The following UGT1A10 variants were observed in gnomAD, a reference collection of about 807,000 sequenced individuals.
UGT1A10 encodes UDP-glucuronosyltransferase 1A10.
Under a neutral mutation model 45.8 loss-of-function variants are expected in UGT1A10, and 49 were observed. The observed-to-expected ratio is 1.07, with a 90% CI of 0.85 to 1.36. UGT1A10 has a LOEUF of 1.36. UGT1A10 is among the 40% of genes most tolerant of loss of function. UGT1A10 has a pLI of 0.00. For synonymous variants in UGT1A10, 284 were observed against 249.7 expected, an observed-to-expected ratio of 1.14 and a Z score of -1.29; for missense variants, 745 against 668.6, an observed-to-expected ratio of 1.11 and a Z score of -1.26.
Position 233,743,192 on chromosome 2 carries a change from T to C in UGT1A10, c.856-23842T>C, listed in dbSNP as rs560095677. ...AAAGTCAAATGTGGACTGGAATTAC[T>C]TGGTGTCAATGCGGAGTAACTGCTC... On this transcript the variant is annotated intron_variant, in intron 1 of 4. Coordinates refer to ENST00000344644, the MANE Select transcript of UGT1A10 (RefSeq NM_019075.4). The C allele has an allele frequency of 2.2e-3, 846 of 376,748 alleles. 20 individuals carry two copies. The highest frequency in any genetic ancestry group is 0.016 in the South Asian group (827 of 50,812). 23.3% of individuals were successfully genotyped at this position (376,748 alleles called of 1,614,324 possible). A position where few individuals can be genotyped will look rare whatever the true frequency, so the allele number is the denominator to read the frequency against.
At chr2:233,719,858 C>A (rs368218473) in intron 1 of UGT1A10, among the ~76,000 whole-genome samples, 1 of 152,098 alleles carries the variant, frequency 6.6e-6, no homozygotes, top group East Asian at 1.9e-4. Flanking sequence ...TTTCAGTGGT[C>A]ACTGAGAGGA....
At chr2:233,689,462 A>T (rs2074944838) in intron 1 of UGT1A10, among the ~76,000 whole-genome samples, 1 of 152,236 alleles carries the variant, frequency 6.6e-6, no homozygotes, top group Admixed American at 6.5e-5. Flanking sequence ...CATTTTAGGA[A>T]AACAGAAGTT....
chr2:233,690,208 T>A lies in UGT1A10; in HGVS notation c.855+52831T>A, dbSNP rs181844455. 1.8e-4 allele frequency among the ~76,000 whole-genome samples: 27 copies of A among 152,382 alleles called. No homozygotes were observed. In the East Asian group the frequency reaches 5.0e-3, roughly 28 times the overall value. ...TCATAAAATATTCATAAATTCAATG[T>A]TTGCCATTTTAGTATTCTAGATTCA... On this transcript the variant is annotated intron_variant, in intron 1 of 4. Transcript: ENST00000344644.
intron 1 of UGT1A10, chr2:233,743,776 C>T: frequency 7.3e-7 from 1 of 1,367,308 alleles, no homozygotes; most frequent in Non-Finnish European, 9.8e-7. Context: ...CGGCCACCTG[C>T]TTGAATCTCC....
At chr2:233,746,103 G>C (rs1465134401) in intron 1 of UGT1A10, among the ~76,000 whole-genome samples, 1 of 151,806 alleles carries the variant, frequency 6.6e-6, no homozygotes, top group Non-Finnish European at 1.5e-5. Flanking sequence ...CATGTCCAGA[G>C]TGCTTACTGT....
chr2:233,747,463 G>A lies in UGT1A10; in HGVS notation c.856-19571G>A, dbSNP rs564672570. 1.6e-5 allele frequency: 25 copies of A among 1,608,790 alleles called. No homozygotes were observed. The South Asian group carries it at 2.7e-4, about 18-fold the overall frequency. ...ACCCTGACAACCTATGCCATTTCAT[G>A]GACCCAGGATGAATTTGATCGCCTT... On this transcript the variant is annotated intron_variant, in intron 1 of 4. Coordinates refer to ENST00000344644, the MANE Select transcript of UGT1A10 (RefSeq NM_019075.4).
chr2:233,689,739 G>T (rs1053174218), intron 1 of UGT1A10, among the ~76,000 whole-genome samples: 3 of 152,308 alleles, frequency 2.0e-5, no homozygotes, highest in Admixed American at 6.5e-5. Flanking sequence ...AATCCATTTG[G>T]TGGGAGTCCA....
At chr2:233,674,963 G>C (rs1051126969) in intron 1 of UGT1A10, among the ~76,000 whole-genome samples, 1 of 152,176 alleles carries the variant, frequency 6.6e-6, no homozygotes, top group Non-Finnish European at 1.5e-5. Flanking sequence ...CTGGGAAACA[G>C]GATTCAGAGT....
chr2:233,713,230 A>G (rs747842946), intron 1 of UGT1A10: 14 of 1,614,276 alleles, frequency 8.7e-6, no homozygotes, highest in Admixed American at 1.7e-5. Flanking sequence ...CTGACAACGT[A>G]TGCCATTTCA....
rs192713031 is a variant in UGT1A10 at position 233,755,438 on chromosome 2, C to G, written c.856-11596C>G. ...TGTGAGCGCCTCGCATCCCAAGATG[C>G]AGTGCTCCTGGGACTGGCCCTGCTC... On this transcript the variant is annotated intron_variant, in intron 1 of 4. Transcript: ENST00000344644. 453 of 315,884 alleles carry G rather than the reference C, an allele frequency of 1.4e-3. 2 individuals carry two copies. The highest frequency in any genetic ancestry group is 7.9e-3 in the African/African-American group (362 of 46,082). The allele number at this position is 315,884 out of a possible 1,614,324, so 19.6% of individuals were successfully genotyped here.
chr2:233,760,927 C>T (rs1225128510), intron 1 of UGT1A10: 3 of 1,614,216 alleles, frequency 1.9e-6, no homozygotes, highest in Non-Finnish European at 2.5e-6. Flanking sequence ...GAAGAACATG[C>T]TCATTGCCTT....
At chr2:233,684,348 A>C (rs1180334738) in intron 1 of UGT1A10, among the ~76,000 whole-genome samples, 1 of 152,214 alleles carries the variant, frequency 6.6e-6, no homozygotes, top group South Asian at 2.1e-4. Context: ...TAGACTTGTC[A>C]AAGTGTCTCT....
chr2:233,687,956 A>G (rs2074870649), intron 1 of UGT1A10, among the ~76,000 whole-genome samples: 1 of 152,252 alleles, frequency 6.6e-6, no homozygotes, highest in Non-Finnish European at 1.5e-5. Flanking sequence ...TTAAAAATTG[A>G]TATGTAATTC....
intron 1 of UGT1A10, chr2:233,718,939 C>A (rs149017068): frequency 2.6e-4 from 420 of 1,614,132 alleles, no homozygotes; most frequent in Non-Finnish European, 3.2e-4. Context: ...GATGGCAGCC[C>A]CTGGCTCAGC....
intron 1 of UGT1A10, chr2:233,713,349 A>G (rs774630378): frequency 5.5e-5 from 88 of 1,614,072 alleles, no homozygotes; most frequent in East Asian, 4.5e-5. Context: ...TATGAACAAT[A>G]TGTCTTTGAT....
chr2:233,739,944 C>T (rs937638963), intron 1 of UGT1A10, among the ~76,000 whole-genome samples: 6 of 151,864 alleles, frequency 4.0e-5, no homozygotes, highest in Admixed American at 3.3e-4. Flanking sequence ...AGGTTGGTAC[C>T]TGGTGGGAGC....
At chr2:233,771,408 T>C (rs1454905857) in intron 4 of UGT1A10, 2 of 152,208 alleles carry the variant, frequency 1.3e-5, no homozygotes, top group Non-Finnish European at 2.9e-5. Context: ...ATGAACACTG[T>C]CCAGAATAAA....
intron 1 of UGT1A10, among the ~76,000 whole-genome samples, chr2:233,638,539 C>A (rs1188540030): frequency 1.3e-5 from 2 of 152,048 alleles, no homozygotes; most frequent in Non-Finnish European, 2.9e-5. Context: ...GTTAGAGTAG[C>A]CAGTTTAAAT....
rs181093387 is a variant in UGT1A10 at position 233,636,988 on chromosome 2, A to G, written c.466A>G (p.Ile156Val). ...GGATCCTTTTGATACCTGTGGCTTA[A>G]TTGTTGCTAAATATTTCTCCCTCCC... ...FLDPFDTCGL[I>V]VAKYFSLPSV... Residue 156 changes from isoleucine (I) to valine (V), a missense_variant, in exon 1 of 5, where the codon ATT (isoleucine) becomes GTT (valine). By Grantham distance (29) the Ile-to-Val change is conservative (BLOSUM62 3). Coordinates refer to ENST00000344644, the MANE Select transcript of UGT1A10 (RefSeq NM_019075.4). 2 of 1,614,144 alleles carry G rather than the reference A, an allele frequency of 1.2e-6. No individual in the cohort carries two copies. The highest frequency in any genetic ancestry group is 8.5e-7 in the Non-Finnish European group (1 of 1,180,032).
Sources: gnomAD v4.1 joint callset for allele counts (sites outside exome capture counted in the v4.1 genomes callset) on GRCh38, gnomAD v4.1.1 for gene constraint, MANE v1.5 for transcripts, NCBI Gene and HGNC (gene_info 2026-07-23, HGNC 2026-07-21) for gene names.